The following CHRNA7 variants were observed in gnomAD, a reference collection of about 807,000 sequenced individuals.
The protein encoded by CHRNA7 is cholinergic receptor nicotinic alpha 7 subunit.
CHRNA7 carries 17 observed loss-of-function variants against 48.0 expected under a neutral mutation model. The ratio of observed to expected loss-of-function variants is 0.35; its 90% CI spans 0.24 to 0.53. The LOEUF (loss-of-function observed/expected upper bound fraction) is 0.53, where lower values mean the gene tolerates loss of function less well. CHRNA7 is among the 20% of genes least tolerant of loss of function. CHRNA7 has a pLI of 0.92. For missense variants in CHRNA7, 155 were observed against 577.7 expected (o/e 0.27, Z 7.50); for synonymous variants, 75 against 242.3 (o/e 0.31, Z 6.41).
intron 2 of CHRNA7, 34 bp downstream of exon 2, chr15:32,031,071 C>T (rs752513276): frequency 6.2e-7 from 1 of 1,612,026 alleles, no homozygotes. Flanking sequence ...CTGCCCTCTC[C>T]CCTTCCTGGG....
rs540213830 is a variant in CHRNA7, at chr15:32,063,298, A to AT, written c.195+32267dup. ...GCTATGACATCACTAGGCAATAGGA[A>AT]TTTTTTAGCCATTATAATCCTATGG... On this transcript the variant is annotated intron_variant, in intron 2 of 9. Coordinates refer to ENST00000306901, the MANE Select transcript of CHRNA7 (RefSeq NM_000746.6). Among the ~76,000 whole-genome samples, 589 of 152,270 alleles carry AT rather than the reference A, an allele frequency of 3.9e-3. 4 individuals are homozygous for AT. The highest frequency in any genetic ancestry group is 0.012 in the African/African-American group (519 of 41,550).
At chr15:32,116,221 C>T (rs1231702797) in intron 4 of CHRNA7, among the ~76,000 whole-genome samples, 1 of 152,220 alleles carries the variant, frequency 6.6e-6, no homozygotes, top group Non-Finnish European at 1.5e-5. Context: ...GCCTCCCAAA[C>T]ATGTCTGTCC....
chr15:32,121,332 A>G (rs1381205839), intron 4 of CHRNA7, among the ~76,000 whole-genome samples: 6 of 152,224 alleles, frequency 3.9e-5, no homozygotes, highest in African/African-American at 1.2e-4. Flanking sequence ...TGTAATCAGT[A>G]GCAAATCAGT....
In CHRNA7 at chr15:32,147,529, G is replaced by T. The variant is rs74785940; in HGVS notation, c.351-6378G>T. ...GATCGCACCACTGCACTCCAGCCTG[G>T]GTGACAAAGCATGACCCTGTCTCAA... On this transcript the variant is annotated intron_variant, in intron 4 of 9. Transcript: ENST00000306901. 7.4e-3 allele frequency among the ~76,000 whole-genome samples: 1,129 copies of T among 152,080 alleles called. 19 individuals carry two copies. The highest frequency in any genetic ancestry group is 0.026 in the African/African-American group (1,087 of 41,490).
intron 2 of CHRNA7, among the ~76,000 whole-genome samples, chr15:32,095,905 T>C (rs1465527333): frequency 6.6e-6 from 1 of 152,232 alleles, no homozygotes; most frequent in Non-Finnish European, 1.5e-5. Flanking sequence ...AACTAAACTT[T>C]ATGAAACTGA....
intron 4 of CHRNA7, among the ~76,000 whole-genome samples, chr15:32,128,838 C>G (rs1169061621): frequency 6.6e-6 from 1 of 151,838 alleles, no homozygotes; most frequent in Non-Finnish European, 1.5e-5. Context: ...TGTTTCTGAT[C>G]TTATGGCGAA....
At chr15:32,147,346 A>G (rs2051510505) in intron 4 of CHRNA7, among the ~76,000 whole-genome samples, 1 of 152,226 alleles carries the variant, frequency 6.6e-6, no homozygotes. Context: ...TCTGCATCGC[A>G]TGCGATATAC....
rs751559958 is a variant in CHRNA7 at position 32,145,256 on chromosome 15, A to G, written c.351-8651A>G. Among the ~76,000 whole-genome samples, 19 of 152,224 alleles carry G rather than the reference A, an allele frequency of 1.2e-4. 1 individual carries two copies. The highest frequency in any genetic ancestry group is 1.2e-3 in the Admixed American group (19 of 15,280). On this transcript the variant is annotated intron_variant, in intron 4 of 9. Coordinates refer to ENST00000306901, the MANE Select transcript of CHRNA7 (RefSeq NM_000746.6). ...GTATCACCAGCAGAGGCTGCAGAACAGCAAACATTGCTGCCTGATCCTTCT... is the reference window on the plus strand; with the variant it reads ...GTATCACCAGCAGAGGCTGCAGAACGGCAAACATTGCTGCCTGATCCTTCT...
At chr15:32,113,698 G>C (rs1018323939) in intron 4 of CHRNA7, among the ~76,000 whole-genome samples, 13 of 152,134 alleles carry the variant, frequency 8.5e-5, no homozygotes, top group Non-Finnish European at 1.3e-4. Context: ...CAGGCAGAAT[G>C]ATGAGGATTC....
At position 32,140,683 on chromosome 15, in the gene CHRNA7, G is replaced by A. The variant is rs548526595; in HGVS notation, c.351-13224G>A. ...CATTTCTCTGATGGCCAGTGATGAT[G>A]AGCATTTTTTCATGTGTCTGTTGTC... On this transcript the variant is annotated intron_variant, in intron 4 of 9. Transcript: ENST00000306901. Among the ~76,000 whole-genome samples, 3 of 152,328 alleles carry A rather than the reference G, an allele frequency of 2.0e-5. No homozygotes were observed. The East Asian group carries it at 5.8e-4, about 29-fold the overall frequency.
intron 2 of CHRNA7, among the ~76,000 whole-genome samples, chr15:32,071,014 A>G (rs1015139945): frequency 3.3e-5 from 5 of 151,806 alleles, no homozygotes; most frequent in East Asian, 1.9e-4. Context: ...TCGATGTCCG[A>G]TTGCTGCAGC....
chr15:32,031,219 G>A (rs115412460), intron 2 of CHRNA7, among the ~76,000 whole-genome samples, 182 bp downstream of exon 2: 195 of 152,200 alleles, frequency 1.3e-3, no homozygotes, highest in African/African-American at 4.5e-3. Flanking sequence ...CTCATTTCTC[G>A]GTTTCCCCTC....
chr15:32,147,374 A>C (rs1220253459), intron 4 of CHRNA7, among the ~76,000 whole-genome samples: 1 of 152,188 alleles, frequency 6.6e-6, no homozygotes, highest in Non-Finnish European at 1.5e-5. Flanking sequence ...ACAAACATGC[A>C]CATGTATGTC....
chr15:32,042,113 C>T (rs2049459572), intron 2 of CHRNA7, among the ~76,000 whole-genome samples: 2 of 87,586 alleles, frequency 2.3e-5, no homozygotes, highest in Admixed American at 2.0e-4. Context: ...AAAGGAACTG[C>T]TGTAAATTAA....
Position 32,111,881 on chromosome 15 carries a change from A to G in CHRNA7, c.332A>G (p.Asp111Gly), listed in dbSNP as rs1296329119. Residue 111 changes from aspartate (D) to glycine (G), a missense_variant, in exon 4 of 10, where the codon GAC becomes GGC. By Grantham distance (94) the Asp-to-Gly change is moderately conservative. Coordinates refer to ENST00000306901, the MANE Select transcript of CHRNA7 (RefSeq NM_000746.6). ...CCAGATGGCCAGATTTGGAAACCAGACATTCTTCTCTATAACAGGTAAGCA... is the reference window on the plus strand; with the variant it reads ...CCAGATGGCCAGATTTGGAAACCAGGCATTCTTCTCTATAACAGGTAAGCA... The part of the protein sequence containing the change: ...RFPDGQIWKP[D>G]ILLYNSADER... The G allele has an allele frequency of 1.9e-6, 3 of 1,607,526 alleles. No homozygotes were observed. The East Asian group carries it at 6.7e-5, about 36-fold the overall frequency.
chr15:32,153,422 A>C (rs1194001129), intron 4 of CHRNA7: 1 of 13,668 alleles, frequency 7.3e-5, no homozygotes, highest in Non-Finnish European at 2.6e-4. Flanking sequence ...ACTCTGTCTC[A>C]AAAAAAAAAA....
intron 2 of CHRNA7, among the ~76,000 whole-genome samples, chr15:32,045,389 G>T (rs1336248113): frequency 6.6e-6 from 1 of 152,126 alleles, no homozygotes; most frequent in Non-Finnish European, 1.5e-5. Context: ...ATGGGTACCA[G>T]CAACCACACA....
At chr15:32,063,651 C>G (rs1199734874) in intron 2 of CHRNA7, among the ~76,000 whole-genome samples, 1 of 152,208 alleles carries the variant, frequency 6.6e-6, no homozygotes, top group Admixed American at 6.5e-5. Context: ...CATCCCTCCC[C>G]TTCTTGGAGG....
In CHRNA7 at chr15:32,130,591, T is replaced by C. The variant is rs369479495; in HGVS notation, c.350+18692T>C. ...TTTTTCTTTCCTGCCTATGATGTAC[T>C]TAACTTTTTTTTAGAATTTCTTTTT... is the stretch of plus-strand genomic sequence containing the variant. On this transcript the variant is annotated intron_variant, in intron 4 of 9. Transcript: ENST00000306901. 3.8e-4 allele frequency among the ~76,000 whole-genome samples: 57 copies of C among 151,080 alleles called. 2 individuals carry two copies. In the East Asian group the frequency reaches 4.4e-3, roughly 12 times the overall value.
Sources: allele counts gnomAD v4.1 joint callset (sites outside exome capture counted in the v4.1 genomes callset), GRCh38; gene constraint gnomAD v4.1.1; transcripts MANE v1.5; gene names NCBI Gene and HGNC (gene_info 2026-07-23, HGNC 2026-07-21).